CMTM2: variants seen among roughly 807,000 people sequenced by gnomAD.
CMTM2 encodes CKLF like MARVEL transmembrane domain containing 2, also known as CKLF-like MARVEL transmembrane domain-containing protein 2.
In CMTM2, 15 loss-of-function variants were observed where a neutral mutation model predicts 16.8. The observed-to-expected ratio is 0.89, with a 90% CI of 0.60 to 1.37. CMTM2 has a LOEUF of 1.37. CMTM2 is among the 40% of genes most tolerant of loss of function. The pLI is 0.00. For missense variants in CMTM2, 282 were observed against 318.0 expected (o/e 0.89, Z 0.86); for synonymous variants, 117 against 118.7 (o/e 0.99, Z 0.09).
Position 66,579,889 on chromosome 16 carries a change from T to G in CMTM2, c.282T>G (p.Ser94Arg). 6.2e-7 allele frequency: 1 copy of G among 1,612,754 alleles called. No homozygotes were observed. Among genetic ancestry groups the G allele is most frequent in the South Asian group, 1.1e-5 (1 of 91,026 alleles). ...GGCACGCTGAGATCAAGATTCGGAGTTTGGTGAGCTAAACTGGTATCCCTG... is the reference window on the plus strand; with the variant it reads ...GGCACGCTGAGATCAAGATTCGGAGGTTGGTGAGCTAAACTGGTATCCCTG... ...LLGHAEIKIR[S>R]LGCLIAAMIL... Residue 94 changes from serine (S) to arginine (R), a missense_variant, in exon 1 of 4, where the codon AGT becomes AGG. Coordinates refer to ENST00000268595, the MANE Select transcript of CMTM2 (RefSeq NM_144673.3). The surrounding 1 kb of genome is among the most constrained non-coding windows in gnomAD (Gnocchi z 6.5).
Position 66,580,015 on chromosome 16 carries a change from T to TA in CMTM2, c.286-11_286-10insA. On this transcript the variant is annotated splice_polypyrimidine_tract_variant and intron_variant, in intron 1 of 3. Transcript: ENST00000268595. ...CTTGCTGCTGGCTCAGGTGTCTATG[T>TA]CTCACTGCAGGGCTGCCTAATAGCT... 6.2e-7 allele frequency: 1 copy of TA among 1,614,144 alleles called. No homozygotes were observed. Among genetic ancestry groups the TA allele is most frequent in the Admixed American group, 1.7e-5 (1 of 60,022 alleles).
chr16:66,587,776 C>T (rs1269887593), intron 3 of CMTM2, 143 bp from the exon 4 acceptor site: 1 of 807,800 alleles, frequency 1.2e-6, no homozygotes, highest in Non-Finnish European at 2.1e-6. Flanking sequence ...TAGGCACGCT[C>T]CTAGCCTCTC....
At chr16:66,585,797 G>A (rs999982125) in intron 2 of CMTM2, among the ~76,000 whole-genome samples, 1 of 152,126 alleles carries the variant, frequency 6.6e-6, no homozygotes, top group Non-Finnish European at 1.5e-5. Context: ...ATTATTTTCT[G>A]GGCATTTGAA....
At position 66,587,032 on chromosome 16, in the gene CMTM2, T is replaced by C; in HGVS notation, c.480T>C (p.Leu160=). 6.2e-7 allele frequency: 1 copy of C among 1,613,980 alleles called. No homozygotes were observed. Among genetic ancestry groups the C allele is most frequent in the East Asian group, 2.2e-5 (1 of 44,874 alleles). ...ACGACCTGATTGCTTGTGCGTTCCT[T>C]GTGGGAGCCGTGGTCTTTGCTGTGA... The part of the protein sequence containing the change: ...LFNDLIACAF[L]VGAVVFAVRS... The change falls in exon 3 of 4, where the codon CTT becomes CTC. Residue 160 remains leucine (L), a synonymous_variant. Coordinates refer to ENST00000268595, the MANE Select transcript of CMTM2 (RefSeq NM_144673.3).
intron 2 of CMTM2, among the ~76,000 whole-genome samples, chr16:66,584,534 C>T (rs1265605392): frequency 6.6e-6 from 1 of 152,146 alleles, no homozygotes; most frequent in Non-Finnish European, 1.5e-5. Flanking sequence ...CTTCAGCCTC[C>T]AAAACTGCGA....
chr16:66,585,434 G>C (rs974642785), intron 2 of CMTM2, among the ~76,000 whole-genome samples: 1 of 152,304 alleles, frequency 6.6e-6, no homozygotes, highest in South Asian at 2.1e-4. Context: ...ATTTCTCAAT[G>C]TGGATAAATC....
In CMTM2 at chr16:66,579,712, G is replaced by C. The variant is rs187643040; in HGVS notation, c.105G>C (p.Ser35=). 1.2e-6 allele frequency: 2 copies of C among 1,613,500 alleles called. No homozygotes were observed. The highest frequency in any genetic ancestry group is 3.3e-5 in the Admixed American group (2 of 60,018). Residue 35 remains serine, a synonymous_variant, in exon 1 of 4, where the codon TCG becomes TCC. Transcript: ENST00000268595. The surrounding 1 kb of genome is among the most constrained non-coding windows in gnomAD (Gnocchi z 6.5). Reference sequence around the variant, plus strand: ...ACAAGAAGGACGGTAAGGAGCCATCGGACAAACCTCAAAAGGCGGTGCAGG... The same window carrying C: ...ACAAGAAGGACGGTAAGGAGCCATCCGACAAACCTCAAAAGGCGGTGCAGG... ...EEDKKDGKEP[S]DKPQKAVQDH...
Position 66,586,386 on chromosome 16 carries a change from G to C in CMTM2, c.445-611G>C, listed in dbSNP as rs368000597. Among the ~76,000 whole-genome samples, 1,179 of 152,170 alleles carry C rather than the reference G, an allele frequency of 7.7e-3. 19 individuals carry two copies. Among genetic ancestry groups the C allele is most frequent in the African/African-American group, 0.027 (1,129 of 41,518 alleles). On this transcript the variant is annotated intron_variant, in intron 2 of 3. Transcript: ENST00000268595. ...GGCGCTGTGGCCCACACCTGTAATC[G>C]TAGCACTTTGGGAGGCCGAGGAAGG...
chr16:66,587,971 G>A lies in CMTM2; in HGVS notation c.599G>A (p.Arg200Lys), dbSNP rs1176898539. ...VFAFIDVCLQRNHFRGKKAKK... is the reference protein window; with the variant it reads ...VFAFIDVCLQKNHFRGKKAKK... ...GCTTTTATCGATGTGTGTCTTCAAA[G>A]AAACCACTTCAGAGGCAAGAAGGCC... The change falls in exon 4 of 4, where the codon AGA becomes AAA. Residue 200 changes from arginine (R) to lysine (K), a missense_variant. By Grantham distance (26) the Arg-to-Lys change is conservative. Transcript: ENST00000268595. The A allele has an allele frequency of 1.2e-6, 2 of 1,614,144 alleles. No homozygotes were observed. The highest frequency in any genetic ancestry group is 2.2e-5 in the South Asian group (2 of 91,078).
intron 3 of CMTM2, among the ~76,000 whole-genome samples, 184 bp from the exon 4 acceptor site, chr16:66,587,735 G>T (rs891264120): frequency 6.6e-6 from 1 of 152,162 alleles, no homozygotes; most frequent in East Asian, 1.9e-4. Flanking sequence ...ATGGCAGGAC[G>T]GGGGAGTGGA....
intron 2 of CMTM2, among the ~76,000 whole-genome samples, chr16:66,580,938 C>A (rs1030045960): frequency 3.9e-5 from 6 of 152,100 alleles, no homozygotes; most frequent in African/African-American, 1.4e-4. Flanking sequence ...AATGAAGACC[C>A]CAATTCCCAA....
chr16:66,581,102 T>C (rs981368646), intron 2 of CMTM2, among the ~76,000 whole-genome samples: 4 of 151,842 alleles, frequency 2.6e-5, no homozygotes, highest in Admixed American at 2.6e-4. Context: ...GCTTCAAACT[T>C]AGCTTTATGA....
rs1320821229 is a variant in CMTM2 at position 66,579,630 on chromosome 16, G to A, written c.23G>A (p.Gly8Glu). ...GTCATGGCACCTAAGGCGGCAAAGGGGGCCAAGCCAGAGCCAGCACCAGCT... is the reference window on the plus strand; with the variant it reads ...GTCATGGCACCTAAGGCGGCAAAGGAGGCCAAGCCAGAGCCAGCACCAGCT... Reference protein sequence around the residue: MAPKAAKGAKPEPAPAPP... With the variant: MAPKAAKEAKPEPAPAPP... Residue 8 changes from glycine to glutamate, a missense_variant, in exon 1 of 4, where the codon GGG becomes GAG. Transcript: ENST00000268595. This position sits in a 1 kb window ranked among gnomAD's most constrained non-coding sequence, Gnocchi z 6.5. 1.9e-6 allele frequency: 3 copies of A among 1,614,040 alleles called. No individual in the cohort carries two copies. The highest frequency in any genetic ancestry group is 2.5e-6 in the Non-Finnish European group (3 of 1,180,008).
Position 66,587,015 on chromosome 16 carries a change from ATTGC to A in CMTM2, c.467_470del (p.Ala156ValfsTer12). On this transcript the variant is annotated frameshift_variant, in exon 3 of 4. Coordinates refer to ENST00000268595, the MANE Select transcript of CMTM2 (RefSeq NM_144673.3). LOFTEE classifies it high-confidence loss of function. ...CCTTCAGGACCTCTTCAACGACCTG[ATTGC>A]TTGTGCGTTCCTTGTGGGAGCCGTG... 6.2e-7 allele frequency: 1 copy of A among 1,613,976 alleles called. No homozygotes were observed. The highest frequency in any genetic ancestry group is 8.5e-7 in the Non-Finnish European group (1 of 1,179,984).
At chr16:66,583,034 C>T (rs2014753102) in intron 2 of CMTM2, among the ~76,000 whole-genome samples, 1 of 152,004 alleles carries the variant, frequency 6.6e-6, no homozygotes, top group Non-Finnish European at 1.5e-5. Flanking sequence ...ACAAGAAAAA[C>T]AAAAGGTATA....
chr16:66,580,229 C>T, intron 2 of CMTM2, 45 bp downstream of exon 2: 4 of 1,605,290 alleles, frequency 2.5e-6, no homozygotes, highest in Non-Finnish European at 2.6e-6. Flanking sequence ...GAATGCTGAT[C>T]AGGTGTGTCT....
Position 66,579,634 on chromosome 16 carries a change from C to T in CMTM2, c.27C>T (p.Ala9=). Residue 9 remains alanine, a synonymous_variant, in exon 1 of 4, where the codon GCC becomes GCT. Coordinates refer to ENST00000268595, the MANE Select transcript of CMTM2 (RefSeq NM_144673.3). The surrounding 1 kb of genome is among the most constrained non-coding windows in gnomAD (Gnocchi z 6.5). ...TGGCACCTAAGGCGGCAAAGGGGGC[C>T]AAGCCAGAGCCAGCACCAGCTCCAC... MAPKAAKG[A]KPEPAPAPPP... 6.2e-7 allele frequency: 1 copy of T among 1,613,970 alleles called. No individual in the cohort carries two copies.
chr16:66,587,242 C>A, intron 3 of CMTM2, 144 bp downstream of exon 3: 1 of 688,470 alleles, frequency 1.5e-6, no homozygotes, highest in Non-Finnish European at 2.5e-6. Flanking sequence ...TTAAGTAGGC[C>A]GGGTGCAGTG....
intron 2 of CMTM2, among the ~76,000 whole-genome samples, chr16:66,583,675 C>T (rs887812696): frequency 2.0e-5 from 3 of 150,398 alleles, no homozygotes; most frequent in African/African-American, 7.4e-5. Context: ...GAAAACTTAT[C>T]ATAGAGATGT....
Sources: allele counts gnomAD v4.1 joint callset (sites outside exome capture counted in the v4.1 genomes callset), GRCh38; gene constraint gnomAD v4.1.1; non-coding constraint Gnocchi (gnomAD v3.1); transcripts MANE v1.5; gene names NCBI Gene and HGNC (gene_info 2026-07-23, HGNC 2026-07-21).